TRABD2B: variants seen among roughly 807,000 people sequenced by gnomAD.
TRABD2B encodes the protein TraB domain containing 2B.
TRABD2B carries 14 observed loss-of-function variants against 40.1 expected under a neutral mutation model. The observed-to-expected ratio is 0.35, with a 90% CI of 0.23 to 0.55. The LOEUF (loss-of-function observed/expected upper bound fraction) is 0.55. Among genes scored for constraint, TRABD2B ranks in the 20% least tolerant of loss-of-function variants. TRABD2B has a pLI of 0.90. For synonymous variants in TRABD2B, 263 were observed against 277.0 expected (o/e 0.95, Z 0.50); for missense variants, 541 against 648.6 (o/e 0.83, Z 1.80).
chr1:47,995,053 T>C (rs1404660400), intron 1 of TRABD2B, among the ~76,000 whole-genome samples: 1 of 152,036 alleles, frequency 6.6e-6, no homozygotes, highest in African/African-American at 2.4e-5. Context: ...TGGTGTTTCA[T>C]GCGGAGGGTG....
At position 47,997,316 on chromosome 1, in the gene TRABD2B, C is replaced by T. The variant is rs1646109038; in HGVS notation, c.-527G>A. ...TGCCCCCGAGCCCGGCTCAGAGGGG[C>T]GGCGGGCGGCCGCGCGGCCGCTGCC... On this transcript the variant is annotated 5_prime_UTR_variant, in exon 1 of 7. Coordinates refer to ENST00000606738, the MANE Select transcript of TRABD2B (RefSeq NM_001194986.2). 2 of 700,890 alleles carry T rather than the reference C, an allele frequency of 2.9e-6. No homozygotes were observed. The highest frequency in any genetic ancestry group is 3.5e-6 in the Non-Finnish European group (2 of 574,580). 43.4% of individuals were successfully genotyped at this position (700,890 alleles called of 1,614,324 possible). A position where few individuals can be genotyped will look rare whatever the true frequency, so the allele number is the denominator to read the frequency against.
chr1:47,790,411 GC>G (rs922380547), intron 4 of TRABD2B, among the ~76,000 whole-genome samples: 2 of 152,094 alleles, frequency 1.3e-5, no homozygotes, highest in South Asian at 2.1e-4. Context: ...TTCCATCTGG[GC>G]CCCCCCAGCA....
At chr1:47,916,627 T>C (rs1413146193) in intron 2 of TRABD2B, among the ~76,000 whole-genome samples, 1 of 152,096 alleles carries the variant, frequency 6.6e-6, no homozygotes, top group Non-Finnish European at 1.5e-5. Flanking sequence ...GCAGGAGAAA[T>C]TTCTGCACAT....
chr1:47,871,961 C>T (rs1221952896), intron 2 of TRABD2B, among the ~76,000 whole-genome samples: 1 of 152,156 alleles, frequency 6.6e-6, no homozygotes, highest in Non-Finnish European at 1.5e-5. Context: ...TGGTGCACTC[C>T]CAAGGGATAT....
chr1:47,849,981 C>A (rs1027125703), intron 2 of TRABD2B, among the ~76,000 whole-genome samples: 1 of 152,250 alleles, frequency 6.6e-6, no homozygotes, highest in East Asian at 1.9e-4. Context: ...CACAGACTCA[C>A]AGGAGAATTG....
chr1:47,832,822 G>A (rs1645268404), intron 2 of TRABD2B, among the ~76,000 whole-genome samples: 1 of 152,108 alleles, frequency 6.6e-6, no homozygotes. Flanking sequence ...CTCTCAGAGT[G>A]GGGCAGGGGG....
Position 47,761,558 on chromosome 1 carries a change from G to A in TRABD2B, c.*4344C>T, listed in dbSNP as rs1644244337. On this transcript the variant is annotated 3_prime_UTR_variant, in exon 7 of 7. Coordinates refer to ENST00000606738, the MANE Select transcript of TRABD2B (RefSeq NM_001194986.2). ...CTTACTGGTTTAGACAGCCAGCGGG[G>A]TGATTTTTTTTGGCTGCTCAGATGA... The A allele has an allele frequency of 6.6e-6, 1 of 152,236 alleles. No homozygotes were observed. Among genetic ancestry groups the A allele is most frequent in the African/African-American group, 2.4e-5 (1 of 41,458 alleles). 9.4% of individuals were successfully genotyped at this position (152,236 alleles called of 1,614,324 possible).
chr1:47,917,298 C>T (rs1644842728), intron 2 of TRABD2B, among the ~76,000 whole-genome samples: 1 of 152,214 alleles, frequency 6.6e-6, no homozygotes, highest in Admixed American at 6.5e-5. Flanking sequence ...AGATTCTAGC[C>T]TATCTTTCCT....
At chr1:47,972,847 AGTCTGT>A (rs951970933) in intron 2 of TRABD2B, among the ~76,000 whole-genome samples, 37 of 152,266 alleles carry the variant, frequency 2.4e-4, no homozygotes, top group Middle Eastern at 3.4e-3. Flanking sequence ...TCAGATCTAC[AGTCTGT>A]GTCCATCTCC....
intron 2 of TRABD2B, among the ~76,000 whole-genome samples, chr1:47,860,290 A>C (rs1643947672): frequency 6.6e-6 from 1 of 152,192 alleles, no homozygotes; most frequent in Non-Finnish European, 1.5e-5. Flanking sequence ...AGTTGTTACT[A>C]AACACTTGCC....
intron 2 of TRABD2B, among the ~76,000 whole-genome samples, chr1:47,829,704 A>C (rs945676639): frequency 6.6e-6 from 1 of 152,220 alleles, no homozygotes; most frequent in Non-Finnish European, 1.5e-5. Context: ...TTAAATTGGA[A>C]CACAAGCACC....
At chr1:47,919,307 C>T (rs149673210) in intron 2 of TRABD2B, among the ~76,000 whole-genome samples, 2 of 152,230 alleles carry the variant, frequency 1.3e-5, no homozygotes, top group African/African-American at 2.4e-5. Flanking sequence ...GAACTGCATG[C>T]GCTCAGCCCT....
At chr1:47,814,619 C>T (rs774086888) in intron 2 of TRABD2B, among the ~76,000 whole-genome samples, 6 of 152,182 alleles carry the variant, frequency 3.9e-5, no homozygotes, top group Non-Finnish European at 5.9e-5. Context: ...ACTTTTGAAT[C>T]TGGGCCCTCC....
At chr1:47,915,872 C>G (rs1644823920) in intron 2 of TRABD2B, among the ~76,000 whole-genome samples, 1 of 152,212 alleles carries the variant, frequency 6.6e-6, no homozygotes, top group Non-Finnish European at 1.5e-5. Context: ...CTACCCCCAC[C>G]AGGCGGTGAC....
chr1:47,953,320 T>C (rs1016810121), intron 2 of TRABD2B, among the ~76,000 whole-genome samples: 1 of 152,184 alleles, frequency 6.6e-6, no homozygotes, highest in Non-Finnish European at 1.5e-5. Flanking sequence ...AAGCCTAATT[T>C]CTTCCTTAGA....
At chr1:47,939,557 A>T (rs185237357) in intron 2 of TRABD2B, among the ~76,000 whole-genome samples, 1 of 152,192 alleles carries the variant, frequency 6.6e-6, no homozygotes, top group African/African-American at 2.4e-5. Context: ...CCTATGAGAC[A>T]GGGACACTGT....
rs183227034 is a variant in TRABD2B, at chr1:47,960,459, G to T, written c.666+33575C>A. On this transcript the variant is annotated intron_variant, in intron 2 of 6. Transcript: ENST00000606738. ...TGCAGATGACATGATTGTATATTTAGAAAACCCGATTGTCTCAGCCCAAAA... is the reference window on the plus strand; with the variant it reads ...TGCAGATGACATGATTGTATATTTATAAAACCCGATTGTCTCAGCCCAAAA... Among the ~76,000 whole-genome samples, 1,386 of 152,318 alleles carry T rather than the reference G, an allele frequency of 9.1e-3. 69 individuals carry two copies. Among genetic ancestry groups the T allele is most frequent in the Admixed American group, 0.081 (1,235 of 15,294 alleles).
chr1:47,845,127 C>G lies in TRABD2B; in HGVS notation c.667-43508G>C, dbSNP rs189208334. Among the ~76,000 whole-genome samples the G allele has an allele frequency of 1.8e-4, 27 of 152,248 alleles. No homozygotes were observed. The East Asian group carries it at 5.2e-3, about 29-fold the overall frequency. Reference sequence around the variant, plus strand: ...GTGCGTGCTCGTGACCAGCTTTGGCCCCTGTGTTCCAATGACTATGCCTTG... The same window carrying G: ...GTGCGTGCTCGTGACCAGCTTTGGCGCCTGTGTTCCAATGACTATGCCTTG... On this transcript the variant is annotated intron_variant, in intron 2 of 6. Coordinates refer to ENST00000606738, the MANE Select transcript of TRABD2B (RefSeq NM_001194986.2).
intron 2 of TRABD2B, among the ~76,000 whole-genome samples, chr1:47,837,337 G>A (rs1463318424): frequency 6.6e-6 from 1 of 152,136 alleles, no homozygotes; most frequent in Non-Finnish European, 1.5e-5. Flanking sequence ...ACGGGTTCTT[G>A]GCCCTGACAG....
Sources: allele counts gnomAD v4.1 joint callset (sites outside exome capture counted in the v4.1 genomes callset), GRCh38; gene constraint gnomAD v4.1.1; transcripts MANE v1.5; gene names NCBI Gene and HGNC (gene_info 2026-07-23, HGNC 2026-07-21).